Variants in ARHGEF10 observed in about 807,000 individuals in gnomAD.
The protein encoded by ARHGEF10 is Rho guanine nucleotide exchange factor (GEF) 10.
A neutral mutation model predicts 147.4 loss-of-function variants in ARHGEF10; 140 were observed. The ratio of observed to expected loss-of-function variants is 0.95; its 90% CI spans 0.83 to 1.09. ARHGEF10 has a LOEUF of 1.09. ARHGEF10 is among the 50% of genes least tolerant of loss of function. The probability of loss-of-function intolerance (pLI) is 0.00; values close to 1 mark genes in which losing one functional copy is unlikely to be tolerated. For missense variants in ARHGEF10, 2,222 were observed against 1,752.7 expected (o/e 1.27, Z -4.78); for synonymous variants, 902 against 695.8 (o/e 1.30, Z -4.67).
At chr8:1,830,083 G>A (rs1802998311) in intron 1 of ARHGEF10, among the ~76,000 whole-genome samples, 1 of 152,252 alleles carries the variant, frequency 6.6e-6, no homozygotes. Flanking sequence ...TTGCTCTAAA[G>A]AGCCACTTCC....
chr8:1,933,665 C>A, intron 25 of ARHGEF10, 135 bp from the exon 26 acceptor site: 2 of 1,181,574 alleles, frequency 1.7e-6, no homozygotes, highest in African/African-American at 1.5e-5. Flanking sequence ...CCAGACACAG[C>A]CAGGATCAGG....
intron 19 of ARHGEF10, 158 bp from the exon 20 acceptor site, chr8:1,923,310 C>T (rs1812439745): frequency 8.7e-7 from 1 of 1,150,566 alleles, no homozygotes; most frequent in Non-Finnish European, 1.3e-6. Context: ...TGTCTCAGCC[C>T]CCCACAGTGT....
intron 15 of ARHGEF10, among the ~76,000 whole-genome samples, chr8:1,899,897 A>G (rs2129168722): frequency 6.6e-6 from 1 of 152,270 alleles, no homozygotes; most frequent in Middle Eastern, 3.4e-3. Context: ...TTAGTTATTC[A>G]GCCACAGCTG....
Position 1,882,571 on chromosome 8 carries a change from G to A in ARHGEF10, c.961-64G>A, listed in dbSNP as rs1242105700. On this transcript the variant is annotated intron_variant, in intron 9 of 28. Transcript: ENST00000349830. ...ACTTGACAGTATTCTTTTAAAACAG[G>A]CAAATGAAAGTCGCAGGTGGGTTCT... 11 of 1,301,362 alleles carry A rather than the reference G, an allele frequency of 8.5e-6. No homozygotes were observed. The East Asian group carries it at 2.5e-4, about 30-fold the overall frequency. The allele number at this position is 1,301,362 out of a possible 1,614,324, so 80.6% of individuals were successfully genotyped here. A position where few individuals can be genotyped will look rare whatever the true frequency, so the allele number is the denominator to read the frequency against.
rs369277936 is a variant in ARHGEF10 at position 1,918,213 on chromosome 8, T to G, written c.2144-4751T>G. On this transcript the variant is annotated intron_variant, in intron 18 of 28. Transcript: ENST00000349830. ...TTTCTTGTTATTCTTGGGATGTGAG[T>G]GCAGACGCTTTCTTTGGCAGCGCAC... Among the ~76,000 whole-genome samples, 22 of 152,194 alleles carry G rather than the reference T, an allele frequency of 1.4e-4. 1 individual carries two copies. The highest frequency in any genetic ancestry group is 1.0e-3 in the Admixed American group (16 of 15,282).
intron 18 of ARHGEF10, among the ~76,000 whole-genome samples, chr8:1,915,845 A>G (rs1428668376): frequency 6.6e-6 from 1 of 152,228 alleles, no homozygotes; most frequent in Non-Finnish European, 1.5e-5. Flanking sequence ...CTGATGCCAA[A>G]ATACTCATTC....
chr8:1,920,863 T>C (rs895104494), intron 18 of ARHGEF10, among the ~76,000 whole-genome samples: 31 of 144,922 alleles, frequency 2.1e-4, no homozygotes, highest in Admixed American at 1.6e-3. Flanking sequence ...TGGCTCACCA[T>C]GACCTCCTCC....
chr8:1,860,255 C>A, intron 4 of ARHGEF10, 71 bp downstream of exon 4: 2 of 1,512,816 alleles, frequency 1.3e-6, no homozygotes, highest in South Asian at 2.3e-5. Context: ...CCCGAAGTGG[C>A]CTGTGGTTCC....
At chr8:1,949,446 C>T (rs1185605253) in intron 27 of ARHGEF10, among the ~76,000 whole-genome samples, 2 of 152,162 alleles carry the variant, frequency 1.3e-5, no homozygotes, top group Non-Finnish European at 2.9e-5. Flanking sequence ...GAGTTTACAG[C>T]GAGTGAGTTC....
chr8:1,930,501 C>A lies in ARHGEF10; in HGVS notation c.3079+1058C>A, dbSNP rs190767838. 2.4e-3 allele frequency among the ~76,000 whole-genome samples: 358 copies of A among 152,248 alleles called. 1 individual carries two copies. Among genetic ancestry groups the A allele is most frequent in the Admixed American group, 0.018 (281 of 15,300 alleles). ...ATAAGGTTTTTACCCTCCCCGCCCC[C>A]CCGCTGAAAATTGTGTGGTGAGTCC... On this transcript the variant is annotated intron_variant, in intron 25 of 28. Transcript: ENST00000349830.
intron 11 of ARHGEF10, among the ~76,000 whole-genome samples, chr8:1,893,057 C>T (rs1355980079): frequency 2.8e-4 from 32 of 115,230 alleles, no homozygotes; most frequent in Non-Finnish European, 6.5e-5. Flanking sequence ...TTCTTGGCCT[C>T]ATAGGTAGAT....
rs1812697721 is a variant in ARHGEF10 at position 1,926,423 on chromosome 8, G to C, written c.2657G>C (p.Ser886Thr). 5.0e-6 allele frequency: 8 copies of C among 1,614,042 alleles called. No homozygotes were observed. The highest frequency in any genetic ancestry group is 6.8e-6 in the Non-Finnish European group (8 of 1,180,028). ...CCTGAACCTTACCTAAATAATGAAA[G>C]CCAGCCAGATTCATTTTCCACGGCA... is the stretch of plus-strand genomic sequence containing the variant. ...YNPEPYLNNE[S>T]QPDSFSTAHG... Residue 886 changes from serine to threonine, a missense_variant, in exon 23 of 29, where the codon AGC (serine) becomes ACC (threonine). By Grantham distance (58) the Ser-to-Thr change is moderately conservative. Coordinates refer to ENST00000349830, the MANE Select transcript of ARHGEF10 (RefSeq NM_014629.4).
chr8:1,885,330 C>T (rs1054325791), intron 10 of ARHGEF10, among the ~76,000 whole-genome samples: 1 of 152,154 alleles, frequency 6.6e-6, no homozygotes, highest in Non-Finnish European at 1.5e-5. Context: ...TGCCACTTTG[C>T]TATCTAGCTA....
intron 25 of ARHGEF10, among the ~76,000 whole-genome samples, chr8:1,933,360 G>T (rs1813305805): frequency 6.6e-6 from 1 of 152,128 alleles, no homozygotes; most frequent in East Asian, 1.9e-4. Context: ...TGCTATTATT[G>T]TAAATGGTCG....
At chr8:1,951,390 C>G (rs1208877863) in intron 27 of ARHGEF10, among the ~76,000 whole-genome samples, 1 of 152,236 alleles carries the variant, frequency 6.6e-6, no homozygotes, top group Non-Finnish European at 1.5e-5. Flanking sequence ...CCAAGTCACG[C>G]CGACCAGGCC....
chr8:1,872,748 C>A (rs1269817014), intron 7 of ARHGEF10, among the ~76,000 whole-genome samples: 1 of 152,188 alleles, frequency 6.6e-6, no homozygotes, highest in Non-Finnish European at 1.5e-5. Flanking sequence ...CTACCGCCAA[C>A]GTAATGGGGA....
chr8:1,916,732 C>T (rs965400197), intron 18 of ARHGEF10, among the ~76,000 whole-genome samples: 1 of 152,204 alleles, frequency 6.6e-6, no homozygotes, highest in Non-Finnish European at 1.5e-5. Context: ...TCTTATCAGA[C>T]TAGGGACTTA....
Position 1,948,472 on chromosome 8 carries a change from C to A in ARHGEF10, c.3397+2817C>A, listed in dbSNP as rs919132328. Among the ~76,000 whole-genome samples the A allele has an allele frequency of 6.6e-6, 1 of 152,154 alleles. No individual in the cohort carries two copies. Among genetic ancestry groups the A allele is most frequent in the Admixed American group, 6.5e-5 (1 of 15,268 alleles). On this transcript the variant is annotated intron_variant, in intron 27 of 28. Coordinates refer to ENST00000349830, the MANE Select transcript of ARHGEF10 (RefSeq NM_014629.4). The surrounding 1 kb of genome is among the most constrained non-coding windows in gnomAD (Gnocchi z 4.9). ...TTCTGGGGTACACTGACTGCTTTAC[C>A]CACATTCAGTTCTCTGCTCCCAGGC...
intron 7 of ARHGEF10, chr8:1,870,381 A>G (rs899623301): frequency 1.4e-4 from 21 of 152,286 alleles, no homozygotes; most frequent in African/African-American, 5.1e-4. Flanking sequence ...ATATAAAATA[A>G]GAAAGCTTTG....
Sources: gnomAD v4.1 joint callset for allele counts (sites outside exome capture counted in the v4.1 genomes callset) on GRCh38, gnomAD v4.1.1 for gene constraint, Gnocchi (gnomAD v3.1) non-coding constraint, MANE v1.5 for transcripts, NCBI Gene and HGNC (gene_info 2026-07-23, HGNC 2026-07-21) for gene names.